Variants in CDIPT observed in about 807,000 individuals in gnomAD.
CDIPT encodes CDP-diacylglycerol--inositol 3-phosphatidyltransferase, also known as PI synthase.
In CDIPT, 17 loss-of-function variants were observed where a neutral mutation model predicts 21.6. The observed-to-expected ratio is 0.79, with a 90% CI of 0.54 to 1.18. The LOEUF (loss-of-function observed/expected upper bound fraction) is 1.18. Among genes scored for constraint, CDIPT ranks in the 50% most tolerant of loss-of-function variants. The probability of loss-of-function intolerance (pLI) is 0.00; values close to 1 mark genes in which losing one functional copy is unlikely to be tolerated. For synonymous variants in CDIPT, 119 were observed against 117.9 expected, an observed-to-expected ratio of 1.01 and a Z score of -0.06; for missense variants, 254 against 284.9, an observed-to-expected ratio of 0.89 and a Z score of 0.78.
In CDIPT at chr16:29,862,474, C is replaced by A; in HGVS notation, c.178+112G>T. On this transcript the variant is annotated intron_variant, in intron 2 of 5. Transcript: ENST00000219789. This position sits in a 1 kb window ranked among gnomAD's most constrained non-coding sequence, Gnocchi z 6.7. Reference sequence around the variant, plus strand: ...AAAAGCCCCAGGCCATCCTGTTCTGCTTTTTCCAGAGATGGGAATGACAGC... The same window carrying A: ...AAAAGCCCCAGGCCATCCTGTTCTGATTTTTCCAGAGATGGGAATGACAGC... The A allele has an allele frequency of 1.7e-6, 2 of 1,175,272 alleles. No homozygotes were observed. Among genetic ancestry groups the A allele is most frequent in the Non-Finnish European group, 2.4e-6 (2 of 829,494 alleles). 72.8% of individuals were successfully genotyped at this position (1,175,272 alleles called of 1,614,324 possible).
In CDIPT at chr16:29,861,146, T is replaced by A; in HGVS notation, c.292A>T (p.Met98Leu). 6 of 1,614,162 alleles carry A rather than the reference T, an allele frequency of 3.7e-6. No homozygotes were observed. Among genetic ancestry groups the A allele is most frequent in the Non-Finnish European group, 5.1e-6 (6 of 1,180,026 alleles). ...PGATLFFQIS[M>L]SLDVASHWLH... ...CAGTGACTGGCCACATCCAAACTCATGCTGATTTGGAAGAACAGCGTGGCT... is the reference window on the plus strand; with the variant it reads ...CAGTGACTGGCCACATCCAAACTCAAGCTGATTTGGAAGAACAGCGTGGCT... The change falls in exon 3 of 6, where the codon ATG (methionine) becomes TTG (leucine). Residue 98 changes from methionine to leucine, a missense_variant. By Grantham distance (15) the Met-to-Leu change is conservative. Transcript: ENST00000219789.
chr16:29,862,792 C>T lies in CDIPT; in HGVS notation c.43+23G>A, dbSNP rs370652101. On this transcript the variant is annotated intron_variant, in intron 1 of 5. Transcript: ENST00000219789. This position sits in a 1 kb window ranked among gnomAD's most constrained non-coding sequence, Gnocchi z 6.7. The stretch of plus-strand genomic sequence containing the variant: ...AAGGCCCCTCGCCCTCTCGTTCGGC[C>T]CGGGGCCGTGGGCAGCACTCACCGA... 1.9e-6 allele frequency: 3 copies of T among 1,613,960 alleles called. No individual in the cohort carries two copies. The highest frequency in any genetic ancestry group is 1.3e-5 in the African/African-American group (1 of 75,072).
At position 29,861,103 on chromosome 16, in the gene CDIPT, G is replaced by C; in HGVS notation, c.332+3C>G. The C allele has an allele frequency of 6.2e-7, 1 of 1,614,034 alleles. No individual in the cohort carries two copies. Among genetic ancestry groups the C allele is most frequent in the Non-Finnish European group, 8.5e-7 (1 of 1,180,000 alleles). ...GGCCCAGGCCCCCAGAATCGCAGCA[G>C]ACCTGTGGAGGTGCAGCCAGTGACT... On this transcript the variant is annotated splice_donor_region_variant and intron_variant, in intron 3 of 5. Transcript: ENST00000219789.
At position 29,862,951 on chromosome 16, in the gene CDIPT, G is replaced by C. The variant is rs774957994; in HGVS notation, c.-94C>G. The C allele has an allele frequency of 2.8e-6, 4 of 1,438,018 alleles. No individual in the cohort carries two copies. The highest frequency in any genetic ancestry group is 2.0e-6 in the Non-Finnish European group (2 of 1,024,482). The allele number at this position is 1,438,018 out of a possible 1,614,324, so 89.1% of individuals were successfully genotyped here. On this transcript the variant is annotated 5_prime_UTR_variant, in exon 1 of 6. Transcript: ENST00000219789. This position sits in a 1 kb window ranked among gnomAD's most constrained non-coding sequence, Gnocchi z 6.7. ...GCCTCAGCCTCCGGCCCGGCGCATC[G>C]GCCGCACCACCTGCGCCCTGGACCC...
At position 29,862,902 on chromosome 16, in the gene CDIPT, G is replaced by T; in HGVS notation, c.-45C>A. 1 of 1,608,364 alleles carries T rather than the reference G, an allele frequency of 6.2e-7. No homozygotes were observed. Among genetic ancestry groups the T allele is most frequent in the Non-Finnish European group, 8.5e-7 (1 of 1,176,028 alleles). On this transcript the variant is annotated 5_prime_UTR_variant, in exon 1 of 6. In the 5' UTR this introduces an upstream ATG that the reference lacks. Transcript: ENST00000219789. The surrounding 1 kb of genome is among the most constrained non-coding windows in gnomAD (Gnocchi z 6.7). ...CCCCGGGCCTGCTCTGGAGATGCCA[G>T]TGCTGTCCCAGCCCCGCAGCGCGGC...
chr16:29,861,572 G>T, intron 2 of CDIPT: 1 of 1,397,538 alleles, frequency 7.2e-7, no homozygotes, highest in Non-Finnish European at 9.7e-7. Flanking sequence ...AAGCCTTACA[G>T]TTGGGTCTGG....
chr16:29,859,954 G>A lies in CDIPT; in HGVS notation c.415-431C>T, dbSNP rs896826713. Among the ~76,000 whole-genome samples, 10 of 152,128 alleles carry A rather than the reference G, an allele frequency of 6.6e-5. No individual in the cohort carries two copies. Among genetic ancestry groups the A allele is most frequent in the Admixed American group, 5.9e-4 (9 of 15,270 alleles). ...CAGCAGGCAGAGGTTGCAGTGAGCC[G>A]ATAACCCGCCACTGAACTCCAGCCT... On this transcript the variant is annotated intron_variant, in intron 4 of 5. Transcript: ENST00000219789. The surrounding 1 kb of genome is among the most constrained non-coding windows in gnomAD (Gnocchi z 4.5).
chr16:29,862,959 C>T lies in CDIPT; in HGVS notation c.-102G>A, dbSNP rs1471599739. 2 of 1,358,592 alleles carry T rather than the reference C, an allele frequency of 1.5e-6. No individual in the cohort carries two copies. Among genetic ancestry groups the T allele is most frequent in the Non-Finnish European group, 2.1e-6 (2 of 953,628 alleles). 84.2% of individuals were successfully genotyped at this position (1,358,592 alleles called of 1,614,324 possible). A position where few individuals can be genotyped will look rare whatever the true frequency, so the allele number is the denominator to read the frequency against. ...CTCCGGCCCGGCGCATCGGCCGCACCACCTGCGCCCTGGACCCCGCCGCCC... is the reference window on the plus strand; with the variant it reads ...CTCCGGCCCGGCGCATCGGCCGCACTACCTGCGCCCTGGACCCCGCCGCCC... On this transcript the variant is annotated 5_prime_UTR_variant, in exon 1 of 6. Transcript: ENST00000219789. This position sits in a 1 kb window ranked among gnomAD's most constrained non-coding sequence, Gnocchi z 6.7.
Position 29,859,564 on chromosome 16 carries a change from C to T in CDIPT, c.415-41G>A, listed in dbSNP as rs144849383. On this transcript the variant is annotated intron_variant, in intron 4 of 5. Transcript: ENST00000219789. This position sits in a 1 kb window ranked among gnomAD's most constrained non-coding sequence, Gnocchi z 4.5. ...ACAGGCCACGTTAGCAAGAGGCAGG[C>T]GTGTGCCACCCCCTGCCCCCCCAGC... 2.2e-5 allele frequency: 29 copies of T among 1,339,892 alleles called. No homozygotes were observed. Among genetic ancestry groups the T allele is most frequent in the South Asian group, 5.9e-5 (5 of 84,804 alleles). 83.0% of individuals were successfully genotyped at this position (1,339,892 alleles called of 1,614,324 possible). A position where few individuals can be genotyped will look rare whatever the true frequency, so the allele number is the denominator to read the frequency against.
intron 4 of CDIPT, 87 bp downstream of exon 4, chr16:29,860,494 C>T (rs960104996): frequency 1.0e-5 from 9 of 865,382 alleles, no homozygotes; most frequent in Admixed American, 3.9e-5. Context: ...TCTGCGCCCT[C>T]GCCTTCTCCT....
rs1054446868 is a variant in CDIPT, at chr16:29,859,203, C to T, written c.628G>A (p.Ala210Thr). Reference protein sequence around the residue: ...NMAALDAADRAKKK With the variant: ...NMAALDAADRTKKK ...GGGCTCCAGCGTCACTTCTTCTTGG[C>T]GCGGTCTGCTGCGTCCAGGGCAGCC... The change falls in exon 6 of 6, where the codon GCC (alanine) becomes ACC (threonine). Residue 210 changes from alanine to threonine, a missense_variant. Physicochemically the swap from Ala to Thr is moderately conservative, Grantham distance 58. Transcript: ENST00000219789. The surrounding 1 kb of genome is among the most constrained non-coding windows in gnomAD (Gnocchi z 4.5). 8 of 1,596,298 alleles carry T rather than the reference C, an allele frequency of 5.0e-6. No homozygotes were observed. The highest frequency in any genetic ancestry group is 4.5e-5 in the East Asian group (2 of 44,246).
Position 29,863,064 on chromosome 16 carries a change from G to T in CDIPT, c.-207C>A, listed in dbSNP as rs557710828. 1.1e-4 allele frequency: 70 copies of T among 617,252 alleles called. 1 individual carries two copies. The African/African-American group carries it at 1.2e-3, about 10-fold the overall frequency. 38.2% of individuals were successfully genotyped at this position (617,252 alleles called of 1,614,324 possible). A position where few individuals can be genotyped will look rare whatever the true frequency, so the allele number is the denominator to read the frequency against. On this transcript the variant is annotated 5_prime_UTR_variant, in exon 1 of 6. Transcript: ENST00000219789. ...GAGGTGCGCGGGACGCAGGGGGCGC[G>T]CGCAGTCCGCCCTTCCTACCCGCAA... is the stretch of plus-strand genomic sequence containing the variant.
rs2067689180 is a variant in CDIPT at position 29,862,212 on chromosome 16, T to C, written c.178+374A>G. Among the ~76,000 whole-genome samples the C allele has an allele frequency of 1.3e-5, 2 of 152,170 alleles. No individual in the cohort carries two copies. The highest frequency in any genetic ancestry group is 4.8e-5 in the African/African-American group (2 of 41,436). On this transcript the variant is annotated intron_variant, in intron 2 of 5. Transcript: ENST00000219789. This position sits in a 1 kb window ranked among gnomAD's most constrained non-coding sequence, Gnocchi z 6.7. Reference sequence around the variant, plus strand: ...GCAAGGCAGGAGGATCGCTTGAGGCTAGGAGCTGGGGACCAATCTGGGCGA... The same window carrying C: ...GCAAGGCAGGAGGATCGCTTGAGGCCAGGAGCTGGGGACCAATCTGGGCGA...
Position 29,858,935 on chromosome 16 carries a change from C to G in CDIPT, c.*254G>C. 1.9e-6 allele frequency: 1 copy of G among 538,190 alleles called. No homozygotes were observed. The highest frequency in any genetic ancestry group is 3.3e-6 in the Non-Finnish European group (1 of 300,192). The allele number at this position is 538,190 out of a possible 1,614,324, so 33.3% of individuals were successfully genotyped here. A position where few individuals can be genotyped will look rare whatever the true frequency, so the allele number is the denominator to read the frequency against. On this transcript the variant is annotated 3_prime_UTR_variant, in exon 6 of 6. Coordinates refer to ENST00000219789, the MANE Select transcript of CDIPT (RefSeq NM_006319.5). Reference sequence around the variant, plus strand: ...AGGACTGAGCAGGCAGGGTGTGACACTGCCCGGTCCCGGCACCCCAGGAGC... The same window carrying G: ...AGGACTGAGCAGGCAGGGTGTGACAGTGCCCGGTCCCGGCACCCCAGGAGC...
chr16:29,862,858 C>T lies in CDIPT; in HGVS notation c.-1G>A, dbSNP rs1319092114. The T allele has an allele frequency of 1.3e-5, 21 of 1,613,650 alleles. No homozygotes were observed. The highest frequency in any genetic ancestry group is 1.8e-5 in the Non-Finnish European group (21 of 1,179,966). ...ACAGGAAGATATTTTCGTCTGGCAT[C>T]GCGGCGCCTCCCTTGCTGCCCCGGG... On this transcript the variant is annotated 5_prime_UTR_variant, in exon 1 of 6. Coordinates refer to ENST00000219789, the MANE Select transcript of CDIPT (RefSeq NM_006319.5). The surrounding 1 kb of genome is among the most constrained non-coding windows in gnomAD (Gnocchi z 6.7).
Position 29,862,445 on chromosome 16 carries a change from A to T in CDIPT, c.178+141T>A, listed in dbSNP as rs2067690848. On this transcript the variant is annotated intron_variant, in intron 2 of 5. Coordinates refer to ENST00000219789, the MANE Select transcript of CDIPT (RefSeq NM_006319.5). This position sits in a 1 kb window ranked among gnomAD's most constrained non-coding sequence, Gnocchi z 6.7. ...TCAAAAACAAAAAAACAAAACACAA[A>T]ACAAAAAGCCCCAGGCCATCCTGTT... 1.1e-6 allele frequency: 1 copy of T among 893,618 alleles called. No homozygotes were observed. The highest frequency in any genetic ancestry group is 2.7e-5 in the East Asian group (1 of 37,474). The allele number at this position is 893,618 out of a possible 1,614,324, so 55.4% of individuals were successfully genotyped here. A position where few individuals can be genotyped will look rare whatever the true frequency, so the allele number is the denominator to read the frequency against.
In CDIPT at chr16:29,863,057, G is replaced by C. The variant is rs539526854; in HGVS notation, c.-200C>G. 5 of 642,852 alleles carry C rather than the reference G, an allele frequency of 7.8e-6. No individual in the cohort carries two copies. In the East Asian group the frequency reaches 1.3e-4, roughly 17 times the overall value. 39.8% of individuals were successfully genotyped at this position (642,852 alleles called of 1,614,324 possible). A position where few individuals can be genotyped will look rare whatever the true frequency, so the allele number is the denominator to read the frequency against. The stretch of plus-strand genomic sequence containing the variant: ...CGGCCCCGAGGTGCGCGGGACGCAG[G>C]GGGCGCGCGCAGTCCGCCCTTCCTA... On this transcript the variant is annotated 5_prime_UTR_variant, in exon 1 of 6. Transcript: ENST00000219789.
intron 2 of CDIPT, 41 bp from the exon 3 acceptor site, chr16:29,861,300 A>G (rs2067680248): frequency 6.2e-7 from 1 of 1,611,992 alleles, no homozygotes; most frequent in African/African-American, 1.3e-5. Context: ...GGCACAGTGG[A>G]TGCAGGACAG....
rs1172189182 is a variant in CDIPT, at chr16:29,863,182, C to G, written c.-325G>C. The stretch of plus-strand genomic sequence containing the variant: ...GCGCGTGGCTTCCGGGAACCTCCTC[C>G]TCCGCGCCCGTCGTTGCAAAATTGG... On this transcript the variant is annotated 5_prime_UTR_variant, in exon 1 of 6. Coordinates refer to ENST00000219789, the MANE Select transcript of CDIPT (RefSeq NM_006319.5). 2 of 410,496 alleles carry G rather than the reference C, an allele frequency of 4.9e-6. No individual in the cohort carries two copies. The highest frequency in any genetic ancestry group is 8.8e-6 in the Non-Finnish European group (2 of 227,976). 25.4% of individuals were successfully genotyped at this position (410,496 alleles called of 1,614,324 possible).
Sources: allele counts gnomAD v4.1 joint callset (sites outside exome capture counted in the v4.1 genomes callset), GRCh38; gene constraint gnomAD v4.1.1; non-coding constraint Gnocchi (gnomAD v3.1); transcripts MANE v1.5; gene names NCBI Gene and HGNC (gene_info 2026-07-23, HGNC 2026-07-21).